The following CTNNA3 variants were observed in gnomAD, a reference collection of about 807,000 sequenced individuals.
The protein encoded by CTNNA3 is catenin alpha-3.
Under a neutral mutation model 95.7 loss-of-function variants are expected in CTNNA3, and 76 were observed. That is an observed-to-expected ratio of 0.79 (90% CI 0.66 to 0.96). The LOEUF (loss-of-function observed/expected upper bound fraction) is 0.96, where lower values mean the gene tolerates loss of function less well. CTNNA3 is among the 40% of genes least tolerant of loss of function. The pLI is 0.00. For missense variants in CTNNA3, 1,191 were observed against 1,089.8 expected, an observed-to-expected ratio of 1.09 and a Z score of -1.31; for synonymous variants, 431 against 374.4, an observed-to-expected ratio of 1.15 and a Z score of -1.74.
intron 1 of CTNNA3, among the ~76,000 whole-genome samples, chr10:67,730,324 T>C (rs1173036581): frequency 6.6e-6 from 1 of 152,120 alleles, no homozygotes; most frequent in East Asian, 1.9e-4. Flanking sequence ...TTGGGCATTT[T>C]TTTTTTAAGA....
At chr10:66,624,354 G>A (rs1037028334) in intron 9 of CTNNA3, among the ~76,000 whole-genome samples, 2 of 152,088 alleles carry the variant, frequency 1.3e-5, no homozygotes, top group Non-Finnish European at 2.9e-5. Flanking sequence ...CCCTCACCAT[G>A]TATGAATTGC....
intron 7 of CTNNA3, among the ~76,000 whole-genome samples, chr10:66,832,450 G>C (rs148716798): frequency 1.1e-3 from 168 of 152,190 alleles, no homozygotes; most frequent in African/African-American, 4.0e-3. Flanking sequence ...AGGCACACCA[G>C]TTAAGAAAAA....
At chr10:66,126,133 T>C (rs1343939012) in intron 13 of CTNNA3, among the ~76,000 whole-genome samples, 1 of 152,194 alleles carries the variant, frequency 6.6e-6, no homozygotes, top group Non-Finnish European at 1.5e-5. Context: ...TCTAATAAAC[T>C]TTGAAAATTA....
At chr10:66,571,502 C>A (rs985395489) in intron 10 of CTNNA3, among the ~76,000 whole-genome samples, 2 of 152,142 alleles carry the variant, frequency 1.3e-5, no homozygotes, top group Admixed American at 1.3e-4. Context: ...TACTCAAAGG[C>A]ACATGGCTGA....
At chr10:67,369,056 G>T (rs1362614479) in intron 5 of CTNNA3, among the ~76,000 whole-genome samples, 1 of 152,120 alleles carries the variant, frequency 6.6e-6, no homozygotes, top group Admixed American at 6.5e-5. Flanking sequence ...GAGCCTAAAA[G>T]CTAGAAGGTA....
intron 3 of CTNNA3, among the ~76,000 whole-genome samples, chr10:67,594,327 A>G (rs182225595): frequency 6.6e-6 from 1 of 152,250 alleles, no homozygotes; most frequent in Non-Finnish European, 1.5e-5. Context: ...AATGATGGGT[A>G]CCAGCTCTTC....
intron 9 of CTNNA3, among the ~76,000 whole-genome samples, chr10:66,711,094 T>C (rs1312020598): frequency 1.3e-5 from 2 of 151,998 alleles, no homozygotes; most frequent in Non-Finnish European, 2.9e-5. Flanking sequence ...TACTCTCAAA[T>C]ACATTTTTGG....
intron 9 of CTNNA3, among the ~76,000 whole-genome samples, chr10:66,744,230 G>T (rs1488052080): frequency 1.3e-5 from 2 of 152,168 alleles, no homozygotes; most frequent in East Asian, 3.9e-4. Flanking sequence ...TGATCAATTT[G>T]TTAAGGTTTG....
At chr10:66,313,659 A>G (rs2092056743) in intron 12 of CTNNA3, among the ~76,000 whole-genome samples, 1 of 152,166 alleles carries the variant, frequency 6.6e-6, no homozygotes, top group African/African-American at 2.4e-5. Flanking sequence ...TTACTTGATT[A>G]CTTATTATTT....
At chr10:67,150,822 G>T (rs1007658917) in intron 7 of CTNNA3, among the ~76,000 whole-genome samples, 29 of 152,090 alleles carry the variant, frequency 1.9e-4, no homozygotes, top group African/African-American at 6.8e-4. Context: ...ATGTTTAACA[G>T]ATTTATCAGC....
chr10:66,084,039 A>G (rs12571011), intron 14 of CTNNA3, among the ~76,000 whole-genome samples: 42,523 of 150,892 alleles, frequency 0.28, 6,590 homozygotes, highest in South Asian at 0.42. Flanking sequence ...GGAGGCTGAG[A>G]CAGGAGAATC....
intron 5 of CTNNA3, among the ~76,000 whole-genome samples, chr10:67,515,043 T>C (rs956227958): frequency 2.6e-5 from 4 of 152,214 alleles, no homozygotes; most frequent in African/African-American, 9.6e-5. Context: ...CTTTGCTAAT[T>C]TAATAGAAGA....
intron 12 of CTNNA3, among the ~76,000 whole-genome samples, chr10:66,306,474 G>A: frequency 6.6e-6 from 1 of 152,134 alleles, no homozygotes; most frequent in East Asian, 1.9e-4. Flanking sequence ...GCACAGAAGG[G>A]CTTAGTGAAT....
intron 6 of CTNNA3, among the ~76,000 whole-genome samples, chr10:67,205,905 G>C (rs1404140092): frequency 6.6e-6 from 1 of 152,142 alleles, no homozygotes; most frequent in Non-Finnish European, 1.5e-5. Flanking sequence ...AGTGAAATAA[G>C]CTTCTCGCCA....
At chr10:67,439,583 C>T (rs766116974) in intron 5 of CTNNA3, among the ~76,000 whole-genome samples, 2 of 152,088 alleles carry the variant, frequency 1.3e-5, no homozygotes, top group Non-Finnish European at 2.9e-5. Context: ...CCTCATAATC[C>T]AATCACCTCC....
At chr10:66,633,540 T>C (rs866077812) in intron 9 of CTNNA3, among the ~76,000 whole-genome samples, 6 of 151,812 alleles carry the variant, frequency 4.0e-5, no homozygotes, top group East Asian at 2.0e-4. Flanking sequence ...ATTAGCCGGG[T>C]GTGGTGGCGG....
intron 7 of CTNNA3, among the ~76,000 whole-genome samples, chr10:66,860,137 G>A (rs1843857455): frequency 6.6e-6 from 1 of 150,984 alleles, no homozygotes; most frequent in Non-Finnish European, 1.5e-5. Flanking sequence ...TGCACATTGT[G>A]CACATGTACC....
At chr10:65,966,348 C>G (rs909634964) in intron 17 of CTNNA3, among the ~76,000 whole-genome samples, 8 of 152,182 alleles carry the variant, frequency 5.3e-5, no homozygotes, top group Non-Finnish European at 8.8e-5. Flanking sequence ...AATTAACATG[C>G]ATTTCTTATC....
At chr10:66,861,038 G>A (rs1843901784) in intron 7 of CTNNA3, among the ~76,000 whole-genome samples, 1 of 152,110 alleles carries the variant, frequency 6.6e-6, no homozygotes, top group Non-Finnish European at 1.5e-5. Context: ...GGAATTCATT[G>A]CAGTCATGTC....
Sources: gnomAD v4.1 joint callset for allele counts (sites outside exome capture counted in the v4.1 genomes callset) on GRCh38, gnomAD v4.1.1 for gene constraint, MANE v1.5 for transcripts, NCBI Gene and HGNC (gene_info 2026-07-23, HGNC 2026-07-21) for gene names.